Variants in NRG1 observed in about 807,000 individuals in gnomAD.
NRG1 encodes the protein pro-neuregulin-1, membrane-bound isoform.
NRG1 carries 18 observed loss-of-function variants against 63.8 expected under a neutral mutation model. That is an observed-to-expected ratio of 0.28 (90% CI 0.19 to 0.42). The LOEUF (loss-of-function observed/expected upper bound fraction) is 0.42, where lower values mean the gene tolerates loss of function less well. Ranked by LOEUF, NRG1 falls within the 10% of genes least tolerant of loss-of-function variation. The pLI is 1.00. For missense variants in NRG1, 762 were observed against 814.7 expected (o/e 0.94, Z 0.79); for synonymous variants, 302 against 301.3 (o/e 1.00, Z -0.02).
At position 32,177,910 on chromosome 8, in the gene NRG1, A is replaced by C. The variant is rs1295795346; in HGVS notation, c.38-417918A>C. 3.3e-5 allele frequency among the ~76,000 whole-genome samples: 5 copies of C among 152,092 alleles called. No individual in the cohort carries two copies. The East Asian group carries it at 9.7e-4, about 29-fold the overall frequency. The stretch of plus-strand genomic sequence containing the variant: ...GGAAGAGAAAGGAAGCAACACTTGC[A>C]AAAGGACTTTGTTGTGTACAGTGAT... On this transcript the variant is annotated intron_variant, in intron 1 of 10. Coordinates refer to the NRG1 transcript ENST00000519301.
At chr8:32,465,456 A>G (rs1243443066) in intron 1 of NRG1, among the ~76,000 whole-genome samples, 1 of 152,236 alleles carries the variant, frequency 6.6e-6, no homozygotes, top group Non-Finnish European at 1.5e-5. Context: ...CTTATTTAAG[A>G]AAGTAGTTTT....
chr8:32,353,913 C>T (rs1033956894), intron 1 of NRG1, among the ~76,000 whole-genome samples: 15 of 152,144 alleles, frequency 9.9e-5, no homozygotes, highest in Non-Finnish European at 1.3e-4. Flanking sequence ...AGTTGGAAAC[C>T]ACCCAAATGT....
At chr8:32,647,116 TG>T in intron 5 of NRG1, 2 of 985,378 alleles carry the variant, frequency 2.0e-6, no homozygotes, top group Non-Finnish European at 2.4e-6. Flanking sequence ...CCTCTGATCC[TG>T]TTTGCAGTGA....
intron 1 of NRG1, among the ~76,000 whole-genome samples, chr8:32,352,826 T>C (rs1805783663): frequency 6.6e-6 from 1 of 151,938 alleles, no homozygotes; most frequent in Admixed American, 6.6e-5. Context: ...TGCAGTGAGC[T>C]ATGATCTTGC....
At chr8:31,752,797 T>C (rs991648223) in intron 1 of NRG1, among the ~76,000 whole-genome samples, 7 of 151,948 alleles carry the variant, frequency 4.6e-5, no homozygotes, top group Non-Finnish European at 8.8e-5. Context: ...GATAAGGAAA[T>C]GGTAATTTTT....
intron 7 of NRG1, among the ~76,000 whole-genome samples, chr8:32,773,526 A>G (rs1444622430): frequency 6.6e-6 from 1 of 152,136 alleles, no homozygotes; most frequent in Non-Finnish European, 1.5e-5. Context: ...CCTGAGCAAT[A>G]GTCTAGATTT....
At chr8:32,213,386 C>G (rs1844884074) in intron 1 of NRG1, among the ~76,000 whole-genome samples, 1 of 152,112 alleles carries the variant, frequency 6.6e-6, no homozygotes, top group Non-Finnish European at 1.5e-5. Flanking sequence ...ACCACATGTT[C>G]TTACTTATAA....
At chr8:32,172,894 G>A (rs1186482712) in intron 1 of NRG1, among the ~76,000 whole-genome samples, 1 of 152,188 alleles carries the variant, frequency 6.6e-6, no homozygotes, top group Non-Finnish European at 1.5e-5. Flanking sequence ...GGGGAGAATG[G>A]AACCAAGTTC....
At chr8:32,588,539 A>G (rs558695940) in intron 1 of NRG1, among the ~76,000 whole-genome samples, 1 of 152,344 alleles carries the variant, frequency 6.6e-6, no homozygotes, top group African/African-American at 2.4e-5. Context: ...GTGTTAGCAT[A>G]AAATGCTGAA....
At chr8:31,834,817 T>A (rs1825545394) in intron 1 of NRG1, among the ~76,000 whole-genome samples, 1 of 152,232 alleles carries the variant, frequency 6.6e-6, no homozygotes, top group South Asian at 2.1e-4. Context: ...TGTTCTGTAG[T>A]TTGATGACTT....
At chr8:32,069,554 G>GATGGGGAAT (rs1825431488) in intron 1 of NRG1, among the ~76,000 whole-genome samples, 1 of 152,178 alleles carries the variant, frequency 6.6e-6, no homozygotes, top group Admixed American at 6.5e-5. Context: ...AAGCTGTGGG[G>GATGGGGAAT]ATGGGGAATT....
chr8:31,927,323 C>A (rs935376876), intron 1 of NRG1, among the ~76,000 whole-genome samples: 7 of 151,554 alleles, frequency 4.6e-5, no homozygotes, highest in Non-Finnish European at 7.4e-5. Context: ...CATCTAGGAG[C>A]ATAAATCCAG....
intron 5 of NRG1, among the ~76,000 whole-genome samples, chr8:32,704,492 A>G (rs953555232): frequency 6.6e-6 from 1 of 152,338 alleles, no homozygotes; most frequent in Admixed American, 6.5e-5. Context: ...ATAAAAAACA[A>G]GCAATCATAT....
At chr8:32,505,963 A>T (rs528714893) in intron 1 of NRG1, among the ~76,000 whole-genome samples, 2 of 152,266 alleles carry the variant, frequency 1.3e-5, no homozygotes, top group Admixed American at 1.3e-4. Context: ...AAAAACACAG[A>T]CAGAGGTGAG....
At chr8:32,173,411 G>A (rs895529629) in intron 1 of NRG1, among the ~76,000 whole-genome samples, 5 of 152,180 alleles carry the variant, frequency 3.3e-5, no homozygotes, top group African/African-American at 1.2e-4. Flanking sequence ...GACCATCAAA[G>A]CTAGGAAGAA....
chr8:32,711,044 C>T (rs533170928), intron 5 of NRG1, among the ~76,000 whole-genome samples: 1 of 152,092 alleles, frequency 6.6e-6, no homozygotes, highest in African/African-American at 2.4e-5. Context: ...AATATGGCTT[C>T]TCTAATGGCC....
intron 1 of NRG1, among the ~76,000 whole-genome samples, chr8:32,278,895 C>A (rs1462133782): frequency 6.6e-6 from 1 of 152,226 alleles, no homozygotes. Flanking sequence ...ACTCACATAT[C>A]CTGATCTCTG....
intron 1 of NRG1, among the ~76,000 whole-genome samples, chr8:32,447,642 G>A (rs538067260): frequency 6.6e-6 from 1 of 152,266 alleles, no homozygotes; most frequent in African/African-American, 2.4e-5. Context: ...GTTGAGGAGA[G>A]AGGATCGCTT....
At chr8:32,500,327 T>C (rs1431514843) in intron 1 of NRG1, among the ~76,000 whole-genome samples, 1 of 152,156 alleles carries the variant, frequency 6.6e-6, no homozygotes, top group Non-Finnish European at 1.5e-5. Context: ...AATTTCCCTT[T>C]TCTTGAGGAC....
Sources: allele counts gnomAD v4.1 joint callset (sites outside exome capture counted in the v4.1 genomes callset), GRCh38; gene constraint gnomAD v4.1.1; transcripts MANE v1.5; gene names NCBI Gene and HGNC (gene_info 2026-07-23, HGNC 2026-07-21).